Variants in RAD51B observed in about 807,000 individuals in gnomAD.
The protein encoded by RAD51B is DNA repair protein RAD51 homolog 2.
RAD51B carries 38 observed loss-of-function variants against 42.2 expected under a neutral mutation model. The ratio of observed to expected loss-of-function variants is 0.90; its 90% CI spans 0.70 to 1.18. RAD51B has a LOEUF of 1.18. Ranked by LOEUF, RAD51B falls within the 50% of genes most tolerant of loss-of-function variation. The pLI is 0.00. For missense variants in RAD51B, 373 were observed against 400.7 expected (o/e 0.93, Z 0.59); for synonymous variants, 154 against 145.2 (o/e 1.06, Z -0.43).
chr14:68,261,990 C>T (rs756831192), intron 7 of RAD51B, among the ~76,000 whole-genome samples: 13 of 151,156 alleles, frequency 8.6e-5, no homozygotes, highest in African/African-American at 1.5e-4. Context: ...CTAGTAAATG[C>T]AGGGCTCAAA....
At position 68,058,845 on chromosome 14, in the gene RAD51B, T is replaced by C. The variant is rs536555681; in HGVS notation, c.756+171641T>C. Among the ~76,000 whole-genome samples the C allele has an allele frequency of 2.6e-5, 4 of 152,324 alleles. No homozygotes were observed. The East Asian group carries it at 7.7e-4, about 29-fold the overall frequency. The stretch of plus-strand genomic sequence containing the variant: ...GATTCTATGAAATTGCCTAAGAAGT[T>C]GAACCAATTTATATTTCCACCAATA... On this transcript the variant is annotated intron_variant, in intron 7 of 10. Transcript: ENST00000471583.
chr14:68,506,366 C>G (rs919950478), intron 10 of RAD51B, among the ~76,000 whole-genome samples: 7 of 152,164 alleles, frequency 4.6e-5, no homozygotes, highest in African/African-American at 1.4e-4. Context: ...AAAGCCACCT[C>G]CCCAACACTC....
chr14:68,331,232 C>T (rs764089214), intron 8 of RAD51B, among the ~76,000 whole-genome samples: 35 of 151,054 alleles, frequency 2.3e-4, no homozygotes, highest in Non-Finnish European at 4.3e-4. Context: ...CATGGTGGCG[C>T]GTGCCTATAA....
At chr14:68,432,095 A>AT (rs1296440863) in intron 9 of RAD51B, among the ~76,000 whole-genome samples, 11 of 152,304 alleles carry the variant, frequency 7.2e-5, no homozygotes, top group African/African-American at 2.6e-4. Context: ...TTCTAGTTTG[A>AT]TTGCACTGTG....
At chr14:68,412,871 T>C (rs1163307262) in intron 9 of RAD51B, among the ~76,000 whole-genome samples, 1 of 152,254 alleles carries the variant, frequency 6.6e-6, no homozygotes, top group African/African-American at 2.4e-5. Flanking sequence ...CTTTCAGGGA[T>C]ATCATTAAGG....
intron 5 of RAD51B, among the ~76,000 whole-genome samples, chr14:67,882,460 T>G (rs2042936975): frequency 6.6e-6 from 1 of 152,230 alleles, no homozygotes; most frequent in Admixed American, 6.5e-5. Context: ...TCTGGTCTTA[T>G]GATCTTTAAA....
At chr14:68,163,638 A>G (rs1184387794) in intron 7 of RAD51B, among the ~76,000 whole-genome samples, 1 of 152,104 alleles carries the variant, frequency 6.6e-6, no homozygotes, top group Non-Finnish European at 1.5e-5. Context: ...TCTGTTTCCC[A>G]AGTCCTATTT....
intron 7 of RAD51B, among the ~76,000 whole-genome samples, chr14:68,266,201 A>G (rs2080988972): frequency 6.6e-6 from 1 of 152,238 alleles, no homozygotes; most frequent in Admixed American, 6.5e-5. Context: ...CCCTATAGCA[A>G]AGGCAGAGTA....
chr14:68,512,196 C>T (rs1398208760), intron 10 of RAD51B, among the ~76,000 whole-genome samples: 1 of 152,222 alleles, frequency 6.6e-6, no homozygotes, highest in East Asian at 1.9e-4. Context: ...GTGACCCCCA[C>T]TCCCAACAGC....
intron 10 of RAD51B, among the ~76,000 whole-genome samples, chr14:68,526,462 A>G (rs1362879480): frequency 1.3e-5 from 2 of 152,208 alleles, no homozygotes; most frequent in African/African-American, 4.8e-5. Flanking sequence ...ACGTCCAGCA[A>G]TTGAGATGAA....
chr14:67,974,190 G>A (rs140248459), intron 7 of RAD51B, among the ~76,000 whole-genome samples: 82 of 152,166 alleles, frequency 5.4e-4, no homozygotes, highest in Admixed American at 1.3e-3. Flanking sequence ...AAAGTCTTGT[G>A]GAAGGACCTT....
chr14:68,330,131 A>G (rs950739075), intron 8 of RAD51B, among the ~76,000 whole-genome samples: 1 of 152,210 alleles, frequency 6.6e-6, no homozygotes, highest in African/African-American at 2.4e-5. Flanking sequence ...TTCAGCATTA[A>G]TAAGATACTA....
intron 4 of RAD51B, among the ~76,000 whole-genome samples, chr14:67,860,643 T>C (rs2042134389): frequency 6.6e-6 from 1 of 152,084 alleles, no homozygotes. Flanking sequence ...TGAAATGCAT[T>C]AAAAAAACCC....
intron 7 of RAD51B, 108 bp downstream of exon 7, chr14:67,887,312 C>A (rs1488116704): frequency 2.0e-6 from 2 of 1,010,678 alleles, no homozygotes; most frequent in Non-Finnish European, 2.9e-6. Flanking sequence ...AAATGTAAAA[C>A]AGATGACTTT....
chr14:68,149,042 C>T (rs2078316916), intron 7 of RAD51B, among the ~76,000 whole-genome samples: 1 of 152,158 alleles, frequency 6.6e-6, no homozygotes, highest in Non-Finnish European at 1.5e-5. Flanking sequence ...AGATCTTTTA[C>T]TCATTTTTAA....
chr14:68,102,388 A>G (rs1392428552), intron 7 of RAD51B, among the ~76,000 whole-genome samples: 1 of 152,142 alleles, frequency 6.6e-6, no homozygotes, highest in Non-Finnish European at 1.5e-5. Flanking sequence ...TCCTTTTTAA[A>G]CATAGATTCC....
chr14:67,962,596 C>T (rs1401103933), intron 7 of RAD51B, among the ~76,000 whole-genome samples: 4 of 152,142 alleles, frequency 2.6e-5, no homozygotes, highest in Non-Finnish European at 5.9e-5. Context: ...ACAGTGTACC[C>T]AGCCAAGTTG....
chr14:68,198,185 A>G (rs528593476), intron 7 of RAD51B, among the ~76,000 whole-genome samples: 8 of 152,172 alleles, frequency 5.3e-5, no homozygotes, highest in Non-Finnish European at 1.2e-4. Flanking sequence ...TTCTCTAGCT[A>G]TCTTTTGAAG....
intron 10 of RAD51B, among the ~76,000 whole-genome samples, chr14:68,636,874 G>A (rs1033075691): frequency 6.6e-6 from 1 of 152,200 alleles, no homozygotes; most frequent in Non-Finnish European, 1.5e-5. Flanking sequence ...CATGAGGGAA[G>A]GTGGGGAAGT....
Sources: gnomAD v4.1 joint callset for allele counts (sites outside exome capture counted in the v4.1 genomes callset) on GRCh38, gnomAD v4.1.1 for gene constraint, MANE v1.5 for transcripts, NCBI Gene and HGNC (gene_info 2026-07-23, HGNC 2026-07-21) for gene names.